The following GRIN2A variants were observed in gnomAD, a reference collection of about 807,000 sequenced individuals.
The protein encoded by GRIN2A is glutamate ionotropic receptor NMDA type subunit 2A.
GRIN2A carries 22 observed loss-of-function variants against 113.4 expected under a neutral mutation model. That is an observed-to-expected ratio of 0.19 (90% CI 0.14 to 0.28). The LOEUF is 0.28. Among genes scored for constraint, GRIN2A ranks in the 10% least tolerant of loss-of-function variants. The probability of loss-of-function intolerance (pLI) is 1.00; values close to 1 mark genes in which losing one functional copy is unlikely to be tolerated. For synonymous variants in GRIN2A, 827 were observed against 738.4 expected (o/e 1.12, Z -1.94); for missense variants, 1,502 against 1,887.0 (o/e 0.80, Z 3.78).
At chr16:10,135,248 T>G (rs946778769) in intron 2 of GRIN2A, among the ~76,000 whole-genome samples, 1 of 152,218 alleles carries the variant, frequency 6.6e-6, no homozygotes, top group Non-Finnish European at 1.5e-5. Context: ...TGTCCTTTCC[T>G]CCAGTTTTCA....
rs550996854 is a variant in GRIN2A, at chr16:10,121,950, A to C, written c.414+58048T>G. ...TCAAAAAACCCTGCAAACAAGAGAG[A>C]AGCATGGTCTAATTAAAATAAAGGA... On this transcript the variant is annotated intron_variant, in intron 2 of 12. Coordinates refer to ENST00000330684, the MANE Select transcript of GRIN2A (RefSeq NM_001134407.3). 2.0e-5 allele frequency among the ~76,000 whole-genome samples: 3 copies of C among 152,318 alleles called. No individual in the cohort carries two copies. In the East Asian group the frequency reaches 5.8e-4, roughly 29 times the overall value.
At chr16:10,078,872 G>C (rs1033068579) in intron 2 of GRIN2A, among the ~76,000 whole-genome samples, 7 of 152,320 alleles carry the variant, frequency 4.6e-5, no homozygotes, top group Middle Eastern at 3.4e-3. Context: ...CTGACTGACT[G>C]CCTGCCACAT....
At chr16:10,020,055 C>T (rs1210793152) in intron 2 of GRIN2A, among the ~76,000 whole-genome samples, 1 of 152,176 alleles carries the variant, frequency 6.6e-6, no homozygotes, top group Non-Finnish European at 1.5e-5. Context: ...ACCTTGAATA[C>T]AAACCACTTT....
chr16:10,001,479 C>A (rs2046318047), intron 2 of GRIN2A, among the ~76,000 whole-genome samples: 1 of 152,190 alleles, frequency 6.6e-6, no homozygotes. Context: ...AGATTTTGCT[C>A]CTTCCAACTC....
chr16:9,982,043 C>T (rs941025199), intron 2 of GRIN2A, among the ~76,000 whole-genome samples: 6 of 152,214 alleles, frequency 3.9e-5, no homozygotes, highest in African/African-American at 1.4e-4. Context: ...CCACCTCAGC[C>T]TCCCAAAGTG....
chr16:9,890,648 C>T (rs1311000448), intron 4 of GRIN2A, among the ~76,000 whole-genome samples: 2 of 152,190 alleles, frequency 1.3e-5, no homozygotes, highest in Non-Finnish European at 2.9e-5. Flanking sequence ...TTTAGGCAAA[C>T]TTCTATGATC....
intron 2 of GRIN2A, among the ~76,000 whole-genome samples, chr16:9,985,134 T>C (rs2045957021): frequency 6.6e-6 from 1 of 152,168 alleles, no homozygotes; most frequent in Non-Finnish European, 1.5e-5. Flanking sequence ...CCCAACTCTC[T>C]AGGTGTGCTT....
intron 2 of GRIN2A, among the ~76,000 whole-genome samples, chr16:9,971,942 C>T (rs1410901304): frequency 6.6e-6 from 1 of 152,192 alleles, no homozygotes; most frequent in African/African-American, 2.4e-5. Flanking sequence ...TGACAGCATG[C>T]TGCTGTCCCA....
At chr16:10,074,262 C>A (rs10852253) in intron 2 of GRIN2A, among the ~76,000 whole-genome samples, 1 of 152,098 alleles carries the variant, frequency 6.6e-6, no homozygotes, top group African/African-American at 2.4e-5. Context: ...TAAGAAACCC[C>A]GTACACTGAT....
At chr16:10,158,453 AC>A (rs1472286153) in intron 2 of GRIN2A, among the ~76,000 whole-genome samples, 1 of 152,242 alleles carries the variant, frequency 6.6e-6, no homozygotes, top group Non-Finnish European at 1.5e-5. Flanking sequence ...AGGTGTTCAA[AC>A]AAAAACTTGT....
At chr16:9,774,622 G>C (rs766067580) in intron 11 of GRIN2A, among the ~76,000 whole-genome samples, 1 of 151,410 alleles carries the variant, frequency 6.6e-6, no homozygotes, top group Non-Finnish European at 1.5e-5. Flanking sequence ...AATATGGCTT[G>C]TCTAGTTTAC....
intron 3 of GRIN2A, among the ~76,000 whole-genome samples, chr16:9,929,460 G>T (rs2044539778): frequency 6.6e-6 from 1 of 152,080 alleles, no homozygotes; most frequent in African/African-American, 2.4e-5. Flanking sequence ...CATCTGTCAA[G>T]TCTTGTCAAT....
intron 8 of GRIN2A, 74 bp downstream of exon 8, chr16:9,834,031 C>T (rs1179730735): frequency 1.1e-5 from 16 of 1,498,432 alleles, no homozygotes; most frequent in Middle Eastern, 1.7e-4. Context: ...GTAATGTGTT[C>T]TAAAACTGAA....
chr16:10,081,583 A>T (rs753875586), intron 2 of GRIN2A, among the ~76,000 whole-genome samples: 3 of 152,236 alleles, frequency 2.0e-5, no homozygotes, highest in Non-Finnish European at 4.4e-5. Context: ...CTTAAGCCCA[A>T]CATTTTGCCA....
At chr16:9,940,061 A>AGAGAGTGT (rs536496290) in intron 2 of GRIN2A, among the ~76,000 whole-genome samples, 1 of 142,898 alleles carries the variant, frequency 7.0e-6, no homozygotes, top group African/African-American at 2.6e-5. Flanking sequence ...AGAGAGAGAG[A>AGAGAGTGT]GTGTGTGTGT....
chr16:9,880,470 T>C (rs2043456048), intron 4 of GRIN2A, among the ~76,000 whole-genome samples: 1 of 152,192 alleles, frequency 6.6e-6, no homozygotes. Context: ...GGTCATGTGA[T>C]TGGGTGAGGC....
intron 2 of GRIN2A, among the ~76,000 whole-genome samples, chr16:9,984,288 G>A (rs769172232): frequency 7.9e-5 from 12 of 151,754 alleles, no homozygotes; most frequent in Non-Finnish European, 1.5e-4. Flanking sequence ...TGTCAGTTGA[G>A]TAGTTTGCAA....
intron 3 of GRIN2A, among the ~76,000 whole-genome samples, chr16:9,921,684 T>C (rs1195800694): frequency 2.0e-5 from 3 of 152,234 alleles, no homozygotes. Flanking sequence ...GTCTACACTA[T>C]GCTGGGTGCT....
At chr16:10,030,195 A>G (rs1382590062) in intron 2 of GRIN2A, among the ~76,000 whole-genome samples, 1 of 151,148 alleles carries the variant, frequency 6.6e-6, no homozygotes, top group Admixed American at 6.6e-5. Context: ...TTTTAAAAAA[A>G]AATCATTAAA....
Sources: allele counts gnomAD v4.1 joint callset (sites outside exome capture counted in the v4.1 genomes callset), GRCh38; gene constraint gnomAD v4.1.1; transcripts MANE v1.5; gene names NCBI Gene and HGNC (gene_info 2026-07-23, HGNC 2026-07-21).